SCP2: variants seen among roughly 807,000 people sequenced by gnomAD.
SCP2 encodes SCP-2/3-oxoacyl-CoA thiolase.
SCP2 carries 48 observed loss-of-function variants against 71.4 expected under a neutral mutation model. The observed-to-expected ratio is 0.67, with a 90% confidence interval of 0.53 to 0.86. The LOEUF (loss-of-function observed/expected upper bound fraction) is 0.86. Ranked by LOEUF, SCP2 falls within the 40% of genes least tolerant of loss-of-function variation. SCP2 has a pLI of 0.00. For missense variants in SCP2, 560 were observed against 655.6 expected (o/e 0.85, Z 1.59); for synonymous variants, 220 against 218.1 (o/e 1.01, Z -0.08).
intron 5 of SCP2, among the ~76,000 whole-genome samples, chr1:52,955,570 A>T (rs1420049853): frequency 1.3e-5 from 2 of 152,216 alleles, no homozygotes; most frequent in Non-Finnish European, 1.5e-5. Flanking sequence ...CATTGAGTTA[A>T]TAAATCACAG....
intron 6 of SCP2, among the ~76,000 whole-genome samples, chr1:52,972,049 G>A (rs1040338686): frequency 8.5e-5 from 13 of 152,064 alleles, no homozygotes; most frequent in African/African-American, 2.7e-4. Flanking sequence ...CTATCATTTG[G>A]GGGTATTGTT....
intron 11 of SCP2, chr1:52,994,056 T>C (rs908776813): frequency 2.3e-5 from 26 of 1,151,120 alleles, no homozygotes; most frequent in Non-Finnish European, 4.3e-6. Flanking sequence ...ATGTAAATGT[T>C]GTGCCCAATG....
chr1:53,033,961 G>A (rs1662738586), intron 13 of SCP2, among the ~76,000 whole-genome samples: 1 of 152,090 alleles, frequency 6.6e-6, no homozygotes, highest in Admixed American at 6.5e-5. Flanking sequence ...ATATTATTTA[G>A]CTGTAGAAAG....
At position 52,949,547 on chromosome 1, in the gene SCP2, A is replaced by G. The variant is rs1193317636; in HGVS notation, c.200-1208A>G. 5.9e-5 allele frequency among the ~76,000 whole-genome samples: 9 copies of G among 152,308 alleles called. No individual in the cohort carries two copies. The South Asian group carries it at 1.9e-3, about 32-fold the overall frequency. ...ATTTATAACCTGATGCGTCCACCCT[A>G]CTGCTGTGTCCAGTTCCATTGGCTG... On this transcript the variant is annotated intron_variant, in intron 3 of 15. Transcript: ENST00000371514.
chr1:53,034,207 G>A (rs573238692), intron 13 of SCP2, among the ~76,000 whole-genome samples: 39 of 151,970 alleles, frequency 2.6e-4, no homozygotes, highest in Admixed American at 5.9e-4. Flanking sequence ...AACCCGGGAG[G>A]AGGAGGTTGC....
chr1:52,951,487 G>T (rs993854357), intron 4 of SCP2, among the ~76,000 whole-genome samples: 3 of 148,704 alleles, frequency 2.0e-5, no homozygotes, highest in Admixed American at 1.3e-4. Context: ...CTATGCAGGA[G>T]GCTGAGGCTG....
rs774112109 is a variant in SCP2 at position 52,950,911 on chromosome 1, T to C, written c.331+25T>C. The C allele has an allele frequency of 5.0e-6, 8 of 1,608,688 alleles. No individual in the cohort carries two copies. In the Admixed American group the frequency reaches 1.3e-4, roughly 27 times the overall value. ...GGTAAGGAGTGCTTGTCTAGTGTAC[T>C]TAAATATTGCCCCATTTTAATCATT... On this transcript the variant is annotated intron_variant, in intron 4 of 15. Coordinates refer to ENST00000371514, the MANE Select transcript of SCP2 (RefSeq NM_002979.5).
At chr1:52,965,332 T>C (rs1335738004) in intron 6 of SCP2, among the ~76,000 whole-genome samples, 1 of 152,202 alleles carries the variant, frequency 6.6e-6, no homozygotes, top group Admixed American at 6.5e-5. Flanking sequence ...ATAAAAAATC[T>C]TATTGGTATT....
chr1:53,030,760 C>T (rs547547942), intron 13 of SCP2, among the ~76,000 whole-genome samples: 4 of 151,984 alleles, frequency 2.6e-5, no homozygotes, highest in East Asian at 1.9e-4. Flanking sequence ...GGCATGATGG[C>T]GCAGTCCCAG....
At chr1:53,017,343 G>T (rs1009996587) in intron 12 of SCP2, among the ~76,000 whole-genome samples, 1 of 152,028 alleles carries the variant, frequency 6.6e-6, no homozygotes, top group African/African-American at 2.4e-5. Context: ...TGTTCCTTGT[G>T]CACCCATGTA....
chr1:52,987,047 C>T (rs1402866211), intron 10 of SCP2, among the ~76,000 whole-genome samples: 2 of 131,692 alleles, frequency 1.5e-5, no homozygotes, highest in East Asian at 2.2e-4. Flanking sequence ...TTGCTCTTGT[C>T]GCCCAGGGGT....
chr1:52,976,289 C>T (rs1657959912), intron 7 of SCP2, among the ~76,000 whole-genome samples: 1 of 152,088 alleles, frequency 6.6e-6, no homozygotes, highest in Non-Finnish European at 1.5e-5. Flanking sequence ...CCTTCCTCTT[C>T]TTCTCAGAGG....
At chr1:53,013,687 A>G (rs149163716) in intron 11 of SCP2, among the ~76,000 whole-genome samples, 3 of 152,196 alleles carry the variant, frequency 2.0e-5, no homozygotes, top group Admixed American at 6.5e-5. Flanking sequence ...AATAGTGTTT[A>G]AGATACATGG....
intron 12 of SCP2, among the ~76,000 whole-genome samples, chr1:53,020,155 G>A (rs369199849): frequency 1.4e-4 from 21 of 152,226 alleles, no homozygotes; most frequent in Middle Eastern, 3.4e-3. Context: ...CCAAAGTGCT[G>A]GGATTACAGA....
intron 6 of SCP2, among the ~76,000 whole-genome samples, chr1:52,965,496 G>C (rs1241730093): frequency 6.6e-6 from 1 of 152,040 alleles, no homozygotes. Flanking sequence ...TCATATCTAA[G>C]TGTTTTATTT....
intron 3 of SCP2, among the ~76,000 whole-genome samples, chr1:52,950,270 G>A (rs368060571): frequency 6.6e-6 from 1 of 152,068 alleles, no homozygotes; most frequent in Non-Finnish European, 1.5e-5. Context: ...ACAGGTGCAT[G>A]CCACCATGCC....
chr1:52,960,594 G>GTA (rs1656304722), intron 5 of SCP2, among the ~76,000 whole-genome samples: 1 of 146,662 alleles, frequency 6.8e-6, no homozygotes, highest in African/African-American at 2.5e-5. Context: ...GTATGTATAT[G>GTA]TATATATGTA....
chr1:52,945,109 T>C (rs990522007), intron 2 of SCP2, among the ~76,000 whole-genome samples: 2 of 152,142 alleles, frequency 1.3e-5, no homozygotes, highest in African/African-American at 4.8e-5. Flanking sequence ...ACTATTAGTA[T>C]CTTGGTGTTA....
At chr1:53,020,785 A>G (rs1430447516) in intron 12 of SCP2, among the ~76,000 whole-genome samples, 1 of 151,492 alleles carries the variant, frequency 6.6e-6, no homozygotes, top group Non-Finnish European at 1.5e-5. Context: ...CCAACTCTCA[A>G]CTCTGTGGGC....
Sources: allele counts gnomAD v4.1 joint callset (sites outside exome capture counted in the v4.1 genomes callset), GRCh38; gene constraint gnomAD v4.1.1; transcripts MANE v1.5; gene names NCBI Gene and HGNC (gene_info 2026-07-23, HGNC 2026-07-21).